CDC42BPB: variants seen among roughly 807,000 people sequenced by gnomAD.
CDC42BPB encodes serine/threonine-protein kinase MRCK beta.
Under a neutral mutation model 214.9 loss-of-function variants are expected in CDC42BPB, and 37 were observed. The ratio of observed to expected loss-of-function variants is 0.17; its 90% CI spans 0.13 to 0.23. CDC42BPB has a LOEUF of 0.23. Among genes scored for constraint, CDC42BPB ranks in the 10% least tolerant of loss-of-function variants. CDC42BPB has a pLI of 1.00. For missense variants in CDC42BPB, 1,694 were observed against 2,227.0 expected (o/e 0.76, Z 4.82); for synonymous variants, 931 against 884.0 (o/e 1.05, Z -0.94).
chr14:102,954,909 A>G (rs1180735533), intron 21 of CDC42BPB: 7 of 592,870 alleles, frequency 1.2e-5, no homozygotes, highest in African/African-American at 2.0e-5. Flanking sequence ...TGGCTTCCTC[A>G]GCTGAGTGGT....
At chr14:102,938,510 T>C in intron 34 of CDC42BPB, 99 bp from the exon 35 acceptor site, 1 of 1,460,018 alleles carries the variant, frequency 6.8e-7, no homozygotes, top group Non-Finnish European at 9.0e-7. Context: ...CTCGTGACCT[T>C]GATGAGCAAA....
At chr14:102,940,419 CAG>C in intron 30 of CDC42BPB, 95 bp from the exon 31 acceptor site, 1 of 1,534,052 alleles carries the variant, frequency 6.5e-7, no homozygotes, top group South Asian at 1.2e-5. Context: ...TGAACAAGTG[CAG>C]AGGCGGCAGC....
At chr14:103,032,630 CTTT>C (rs35712321) in intron 1 of CDC42BPB, among the ~76,000 whole-genome samples, 6 of 109,008 alleles carry the variant, frequency 5.5e-5, no homozygotes, top group African/African-American at 7.6e-5. Flanking sequence ...AACAAATCCA[CTTT>C]TTTTTTTTTT....
At chr14:102,946,417 C>T (rs371619579) in intron 28 of CDC42BPB, 51 bp downstream of exon 28, 43 of 1,600,750 alleles carry the variant, frequency 2.7e-5, no homozygotes, top group African/African-American at 1.3e-4. Context: ...GCAGCGCCGC[C>T]GGAAGTGCTG....
intron 1 of CDC42BPB, among the ~76,000 whole-genome samples, chr14:103,048,532 CAAAAAAAAAAAA>C (rs71119751): frequency 3.8e-3 from 161 of 42,666 alleles, no homozygotes; most frequent in African/African-American, 0.011. Flanking sequence ...ACTAAAAATA[CAAAAAAAAAAAA>C]AAAAAAAAAA....
chr14:102,973,757 G>C (rs943233551), intron 12 of CDC42BPB, among the ~76,000 whole-genome samples: 1 of 152,214 alleles, frequency 6.6e-6, no homozygotes, highest in Non-Finnish European at 1.5e-5. Flanking sequence ...GGCTGATTGC[G>C]AGGTGGATAA....
At position 102,933,859 on chromosome 14, in the gene CDC42BPB, G is replaced by A. The variant is rs768478720; in HGVS notation, c.5005-16C>T. On this transcript the variant is annotated splice_polypyrimidine_tract_variant and intron_variant, in intron 36 of 36. Coordinates refer to ENST00000361246, the MANE Select transcript of CDC42BPB (RefSeq NM_006035.4). ...CCGAATCAGGCTGTGAACAGGAAGA[G>A]GGCAGGGTGAGCACCCGCTGCCCTA... The A allele has an allele frequency of 4.0e-6, 6 of 1,509,310 alleles. No individual in the cohort carries two copies. The South Asian group carries it at 5.3e-5, about 13-fold the overall frequency. The allele number at this position is 1,509,310 out of a possible 1,614,324, so 93.5% of individuals were successfully genotyped here.
At position 103,001,687 on chromosome 14, in the gene CDC42BPB, C is replaced by A. The variant is rs1023398022; in HGVS notation, c.448-1974G>T. 1.3e-5 allele frequency among the ~76,000 whole-genome samples: 2 copies of A among 152,102 alleles called. No individual in the cohort carries two copies. Among genetic ancestry groups the A allele is most frequent in the Non-Finnish European group, 2.9e-5 (2 of 68,004 alleles). On this transcript the variant is annotated intron_variant, in intron 4 of 36. Transcript: ENST00000361246. This position sits in a 1 kb window ranked among gnomAD's most constrained non-coding sequence, Gnocchi z 5.8. ...GCGGTGGATGCACACTGCAGGCATT[C>A]CAGAGGGAGCGGCCCCGGCAGCTGA...
At chr14:103,028,751 T>C (rs985489624) in intron 1 of CDC42BPB, among the ~76,000 whole-genome samples, 1 of 152,256 alleles carries the variant, frequency 6.6e-6, no homozygotes, top group South Asian at 2.1e-4. Flanking sequence ...TACTCTCCTA[T>C]CTAAATACAA....
At chr14:103,022,147 G>A (rs894762485) in intron 1 of CDC42BPB, among the ~76,000 whole-genome samples, 6 of 152,138 alleles carry the variant, frequency 3.9e-5, no homozygotes, top group Admixed American at 6.5e-5. Context: ...AGGTGGCTGC[G>A]GGGAAGAGAA....
rs1895158818 is a variant in CDC42BPB, at chr14:103,004,825, C to T, written c.352-802G>A. Among the ~76,000 whole-genome samples, 1 of 151,248 alleles carries T rather than the reference C, an allele frequency of 6.6e-6. No homozygotes were observed. Among genetic ancestry groups the T allele is most frequent in the Non-Finnish European group, 1.5e-5 (1 of 67,864 alleles). ...CGGAGGTTGCGGTGAGCCAAAATTGCATCACCGTACTCCAGCCTGGACGAC... is the reference window on the plus strand; with the variant it reads ...CGGAGGTTGCGGTGAGCCAAAATTGTATCACCGTACTCCAGCCTGGACGAC... On this transcript the variant is annotated intron_variant, in intron 3 of 36. Coordinates refer to ENST00000361246, the MANE Select transcript of CDC42BPB (RefSeq NM_006035.4). This position sits in a 1 kb window ranked among gnomAD's most constrained non-coding sequence, Gnocchi z 5.3.
intron 36 of CDC42BPB, among the ~76,000 whole-genome samples, chr14:102,934,513 G>A (rs1276194615): frequency 6.6e-6 from 1 of 150,516 alleles, no homozygotes; most frequent in Non-Finnish European, 1.5e-5. Context: ...CAGCCTGGGC[G>A]ACAGAGCGAG....
In CDC42BPB at chr14:102,946,580, G is replaced by A. The variant is rs760589634; in HGVS notation, c.3636C>T (p.Leu1212=). 3.1e-6 allele frequency: 5 copies of A among 1,612,748 alleles called. No homozygotes were observed. Among genetic ancestry groups the A allele is most frequent in the East Asian group, 4.5e-5 (2 of 44,888 alleles). The change falls in exon 28 of 37, where the codon CTC becomes CTT. Residue 1212 remains leucine, a synonymous_variant. Transcript: ENST00000361246. ...KRKWVGILEG[L]QSILHKNRLR... The stretch of plus-strand genomic sequence containing the variant: ...GCCGGTTTTTATGAAGGATGGACTG[G>A]AGTCCTTCTAGAATCCCAACCCACT...
At chr14:102,936,687 C>G (rs1484769943) in intron 36 of CDC42BPB, among the ~76,000 whole-genome samples, 1 of 152,214 alleles carries the variant, frequency 6.6e-6, no homozygotes, top group African/African-American at 2.4e-5. Flanking sequence ...GAGACAAGAT[C>G]TCACTACACT....
At chr14:103,048,756 C>T (rs1888444623) in intron 1 of CDC42BPB, among the ~76,000 whole-genome samples, 1 of 148,066 alleles carries the variant, frequency 6.8e-6, no homozygotes, top group Non-Finnish European at 1.5e-5. Flanking sequence ...TGCCTGTAAT[C>T]CCAGCTACTC....
At chr14:103,046,793 A>AC (rs1446443013) in intron 1 of CDC42BPB, among the ~76,000 whole-genome samples, 1 of 151,810 alleles carries the variant, frequency 6.6e-6, no homozygotes, top group Admixed American at 6.6e-5. Context: ...AGCTGGGATT[A>AC]CAGGCACCTG....
At position 103,013,368 on chromosome 14, in the gene CDC42BPB, C is replaced by T. The variant is rs1886266648; in HGVS notation, c.176-1180G>A. Among the ~76,000 whole-genome samples, 3 of 152,186 alleles carry T rather than the reference C, an allele frequency of 2.0e-5. No homozygotes were observed. The South Asian group carries it at 6.2e-4, about 32-fold the overall frequency. ...AGTCAGGCACCTTACACTGCTCTTCCCGGCCTCCTCACGCGGACTCTCTGA... is the reference window on the plus strand; with the variant it reads ...AGTCAGGCACCTTACACTGCTCTTCTCGGCCTCCTCACGCGGACTCTCTGA... On this transcript the variant is annotated intron_variant, in intron 1 of 36. Coordinates refer to ENST00000361246, the MANE Select transcript of CDC42BPB (RefSeq NM_006035.4).
chr14:103,037,502 C>T (rs1400818400), intron 1 of CDC42BPB, among the ~76,000 whole-genome samples: 1 of 152,144 alleles, frequency 6.6e-6, no homozygotes, highest in East Asian at 1.9e-4. Context: ...CTATGTCGCT[C>T]AGGCTTATTT....
chr14:102,977,736 G>C (rs908495931), intron 9 of CDC42BPB, among the ~76,000 whole-genome samples: 6 of 152,172 alleles, frequency 3.9e-5, no homozygotes, highest in Non-Finnish European at 7.3e-5. Flanking sequence ...TCAGGGGTTG[G>C]CAAACTACGG....
Sources: allele counts gnomAD v4.1 joint callset (sites outside exome capture counted in the v4.1 genomes callset), GRCh38; gene constraint gnomAD v4.1.1; non-coding constraint Gnocchi (gnomAD v3.1); transcripts MANE v1.5; gene names NCBI Gene and HGNC (gene_info 2026-07-23, HGNC 2026-07-21).